The following KDR variants were observed in gnomAD, a reference collection of about 807,000 sequenced individuals.
KDR encodes the protein vascular endothelial growth factor receptor 2.
In KDR, 43 loss-of-function variants were observed where a neutral mutation model predicts 160.9. The ratio of observed to expected loss-of-function variants is 0.27; its 90% CI spans 0.21 to 0.34. The LOEUF (loss-of-function observed/expected upper bound fraction) is 0.34, where lower values mean the gene tolerates loss of function less well. Ranked by LOEUF, KDR falls within the 10% of genes least tolerant of loss-of-function variation. KDR has a pLI of 1.00. For synonymous variants in KDR, 617 were observed against 600.1 expected (o/e 1.03, Z -0.41); for missense variants, 1,469 against 1,666.4 (o/e 0.88, Z 2.06).
At position 55,079,365 on chromosome 4, in the gene KDR, GC is replaced by G. The variant is rs1408456060; in HGVS notation, c.*575del. Reference sequence around the variant, plus strand: ...CTTTACATTTCAGAACAGACCCCATGCCCACCTCCACCAGAGCAAACACAAT... The same window carrying G: ...CTTTACATTTCAGAACAGACCCCATGCCACCTCCACCAGAGCAAACACAAT... On this transcript the variant is annotated 3_prime_UTR_variant, in exon 30 of 30. Transcript: ENST00000263923. The G allele has an allele frequency of 4.1e-5, 10 of 245,060 alleles. No homozygotes were observed. Among genetic ancestry groups the G allele is most frequent in the African/African-American group, 2.0e-4 (9 of 45,610 alleles). The allele number at this position is 245,060 out of a possible 1,614,324, so 15.2% of individuals were successfully genotyped here.
At chr4:55,097,876 T>C (rs1177990757) in intron 17 of KDR, 110 bp from the exon 18 acceptor site, 2 of 860,534 alleles carry the variant, frequency 2.3e-6, no homozygotes, top group African/African-American at 3.3e-5. Context: ...CAATTTAACA[T>C]GGATAGTCCA....
intron 2 of KDR, 100 bp from the exon 3 acceptor site, chr4:55,118,900 T>G: frequency 3.2e-6 from 3 of 926,238 alleles, no homozygotes; most frequent in Non-Finnish European, 5.1e-6. Flanking sequence ...AAATAAACTC[T>G]TCAACAGACA....
intron 11 of KDR, 108 bp downstream of exon 11, chr4:55,106,579 A>T: frequency 1.1e-6 from 1 of 875,262 alleles, no homozygotes; most frequent in Non-Finnish European, 1.9e-6. Flanking sequence ...CGCTCTATTT[A>T]ATCATCCAGA....
chr4:55,092,220 T>A (rs1424686237), intron 22 of KDR: 2 of 288,462 alleles, frequency 6.9e-6, no homozygotes, highest in Non-Finnish European at 1.4e-5. Flanking sequence ...TCTATAACCC[T>A]TTCTTGCTTT....
In KDR at chr4:55,098,189, T is replaced by A. The variant is rs1409312898; in HGVS notation, c.2457A>T (p.Arg819=). ...DELPLDEHCE[R]LPYDASKWEF... The stretch of plus-strand genomic sequence containing the variant: ...CCCATTTGCTGGCATCATAAGGCAG[T>A]CGTTCACAATGTTCATCCAATGGGA... Residue 819 remains arginine, a synonymous_variant, in exon 17 of 30, where the codon CGA becomes CGT. Coordinates refer to ENST00000263923, the MANE Select transcript of KDR (RefSeq NM_002253.4). The A allele has an allele frequency of 1.2e-6, 2 of 1,613,960 alleles. No individual in the cohort carries two copies. The highest frequency in any genetic ancestry group is 3.3e-5 in the Admixed American group (2 of 60,002).
chr4:55,104,630 A>C lies in KDR; in HGVS notation c.1987+13T>G, dbSNP rs1327716802. ...AACTGCCTCTGCACAATGATCCAGAATTGTCTCCCTACCTAGGACTGTGAG... is the reference window on the plus strand; with the variant it reads ...AACTGCCTCTGCACAATGATCCAGACTTGTCTCCCTACCTAGGACTGTGAG... On this transcript the variant is annotated intron_variant, in intron 13 of 29. Coordinates refer to ENST00000263923, the MANE Select transcript of KDR (RefSeq NM_002253.4). The C allele has an allele frequency of 1.9e-6, 3 of 1,608,320 alleles. No individual in the cohort carries two copies. Among genetic ancestry groups the C allele is most frequent in the Non-Finnish European group, 2.6e-6 (3 of 1,175,580 alleles).
At chr4:55,107,693 A>G in intron 10 of KDR, 44 bp downstream of exon 10, 8 of 1,612,996 alleles carry the variant, frequency 5.0e-6, no homozygotes, top group Non-Finnish European at 4.2e-6. Flanking sequence ...AGCTGTAAGA[A>G]ATGCAAGATG....
chr4:55,102,167 C>T, intron 14 of KDR, 139 bp from the exon 15 acceptor site: 1 of 1,321,856 alleles, frequency 7.6e-7, no homozygotes, highest in South Asian at 1.2e-5. Context: ...GGATCTACTG[C>T]TGACTAATCT....
chr4:55,092,008 CT>C (rs1175646824), intron 22 of KDR, among the ~76,000 whole-genome samples: 1 of 152,144 alleles, frequency 6.6e-6, no homozygotes, highest in Non-Finnish European at 1.5e-5. Context: ...CTAACAAATA[CT>C]TTTTGATGGA....
At chr4:55,106,069 C>T (rs568069136) in intron 11 of KDR, 129 bp from the exon 12 acceptor site, 57 of 753,010 alleles carry the variant, frequency 7.6e-5, no homozygotes, top group African/African-American at 3.4e-4. Flanking sequence ...CGGTTGGACA[C>T]GCTCAAATTT....
intron 29 of KDR, 68 bp from the exon 30 acceptor site, chr4:55,080,231 C>G: frequency 7.1e-7 from 1 of 1,416,444 alleles, no homozygotes; most frequent in South Asian, 1.2e-5. Context: ...TTACCCTCAC[C>G]CCATTCCCAA....
intron 15 of KDR, among the ~76,000 whole-genome samples, chr4:55,099,052 A>G (rs1028871627): frequency 2.7e-5 from 4 of 150,358 alleles, no homozygotes; most frequent in Non-Finnish European, 4.4e-5. Context: ...GTTTCTTTCT[A>G]TGTTCCAGGC....
chr4:55,088,809 G>T, intron 26 of KDR, 59 bp downstream of exon 26: 2 of 1,153,128 alleles, frequency 1.7e-6, no homozygotes, highest in Non-Finnish European at 2.6e-6. Flanking sequence ...TCAGGCAGTA[G>T]GAAAGTCCTT....
intron 6 of KDR, 149 bp downstream of exon 6, chr4:55,113,977 G>T: frequency 1.3e-6 from 1 of 791,536 alleles, no homozygotes; most frequent in South Asian, 1.5e-5. Flanking sequence ...TTGTGTGTGT[G>T]TGTATGTGTG....
intron 27 of KDR, 62 bp downstream of exon 27, chr4:55,087,545 C>G (rs1403053216): frequency 6.7e-6 from 10 of 1,487,750 alleles, no homozygotes; most frequent in Non-Finnish European, 9.4e-7. Flanking sequence ...CACTTCCAAT[C>G]CCCCTCCCGA....
intron 21 of KDR, among the ~76,000 whole-genome samples, chr4:55,093,695 C>T (rs17085267): frequency 0.21 from 31,220 of 152,122 alleles, 3,689 homozygotes; most frequent in East Asian, 0.45. Flanking sequence ...TGCAAATTCT[C>T]TCTGTAGCCT....
At position 55,078,651 on chromosome 4, in the gene KDR, CCATAGCATGT is replaced by C; in HGVS notation, c.*1280_*1289del. On this transcript the variant is annotated 3_prime_UTR_variant, in exon 30 of 30. Coordinates refer to ENST00000263923, the MANE Select transcript of KDR (RefSeq NM_002253.4). ...CATAAACAGACTATAAATATATGTG[CCATAGCATGT>C]CTTATAGTCATTGTTCCCAGCATTT... is the stretch of plus-strand genomic sequence containing the variant. The C allele has an allele frequency of 4.3e-6, 1 of 232,192 alleles. No homozygotes were observed. The highest frequency in any genetic ancestry group is 8.5e-6 in the Non-Finnish European group (1 of 117,592). 14.4% of individuals were successfully genotyped at this position (232,192 alleles called of 1,614,324 possible).
At chr4:55,115,708 A>C (rs1720717759) in intron 3 of KDR, among the ~76,000 whole-genome samples, 1 of 152,246 alleles carries the variant, frequency 6.6e-6, no homozygotes, top group Admixed American at 6.5e-5. Context: ...ATTGACAAGC[A>C]GAATATATTT....
rs779352139 is a variant in KDR at position 55,082,030 on chromosome 4, C to T, written c.3774G>A (p.Thr1258=). 22 of 1,612,604 alleles carry T rather than the reference C, an allele frequency of 1.4e-5. No homozygotes were observed. The highest frequency in any genetic ancestry group is 5.5e-5 in the South Asian group (5 of 91,042). ...EVKVIPDDNQ[T]DSGMVLASEE... is the part of the protein sequence containing the mutation. Reference sequence around the variant, plus strand: ...CTGAGGCAAGAACCATACCACTGTCCGTCTGGTTGTCCTTTTTAAGAGACA... The same window carrying T: ...CTGAGGCAAGAACCATACCACTGTCTGTCTGGTTGTCCTTTTTAAGAGACA... Residue 1258 remains threonine, a synonymous_variant, in exon 29 of 30, where the codon ACG becomes ACA. Coordinates refer to ENST00000263923, the MANE Select transcript of KDR (RefSeq NM_002253.4).
Sources: allele counts gnomAD v4.1 joint callset (sites outside exome capture counted in the v4.1 genomes callset), GRCh38; gene constraint gnomAD v4.1.1; transcripts MANE v1.5; gene names NCBI Gene and HGNC (gene_info 2026-07-23, HGNC 2026-07-21).